Variants in SOX6 observed in about 807,000 individuals in gnomAD.
SOX6 encodes the protein SRY-box transcription factor 6.
In SOX6, 11 loss-of-function variants were observed where a neutral mutation model predicts 97.8. The observed-to-expected ratio is 0.11, with a 90% CI of 0.07 to 0.19. The LOEUF (loss-of-function observed/expected upper bound fraction) is 0.19, where lower values mean the gene tolerates loss of function less well. Ranked by LOEUF, SOX6 falls within the 10% of genes least tolerant of loss-of-function variation. The pLI is 1.00. For missense variants in SOX6, 810 were observed against 1,039.5 expected (o/e 0.78, Z 3.04); for synonymous variants, 360 against 371.4 (o/e 0.97, Z 0.35).
At chr11:16,330,116 A>G (rs2134322166) in intron 2 of SOX6, among the ~76,000 whole-genome samples, 1 of 152,208 alleles carries the variant, frequency 6.6e-6, no homozygotes, top group Admixed American at 6.5e-5. Flanking sequence ...AACTCAATAT[A>G]CTCAGTACTG....
At chr11:16,722,549 G>A (rs1196004361) in intron 2 of SOX6, among the ~76,000 whole-genome samples, 2 of 152,112 alleles carry the variant, frequency 1.3e-5, no homozygotes, top group African/African-American at 4.8e-5. Context: ...CACTTGGGAG[G>A]CTGAGACAGG....
At chr11:16,621,628 GC>G (rs1848546595) in intron 3 of SOX6, among the ~76,000 whole-genome samples, 1 of 152,134 alleles carries the variant, frequency 6.6e-6, no homozygotes, top group South Asian at 2.1e-4. Context: ...CAAGAGACTA[GC>G]ATAGAGTTTA....
intron 2 of SOX6, among the ~76,000 whole-genome samples, chr11:16,325,349 G>T (rs1200283796): frequency 6.6e-6 from 1 of 152,070 alleles, no homozygotes; most frequent in Non-Finnish European, 1.5e-5. Context: ...ACACAAACTG[G>T]AAAGATATAT....
intron 4 of SOX6, among the ~76,000 whole-genome samples, chr11:16,217,572 C>A (rs775780773): frequency 6.6e-6 from 1 of 152,088 alleles, no homozygotes; most frequent in African/African-American, 2.4e-5. Flanking sequence ...CAGAAGATTT[C>A]TTTTACAATC....
chr11:16,617,618 A>G (rs572794988), intron 3 of SOX6, among the ~76,000 whole-genome samples: 49 of 152,024 alleles, frequency 3.2e-4, no homozygotes, highest in African/African-American at 1.1e-3. Flanking sequence ...CATCACTTCA[A>G]TACAAGTTTG....
intron 1 of SOX6, among the ~76,000 whole-genome samples, chr11:16,736,931 C>T (rs948651598): frequency 6.6e-6 from 1 of 152,168 alleles, no homozygotes; most frequent in East Asian, 1.9e-4. Flanking sequence ...TAAAATGTAA[C>T]CCTGACATCT....
At chr11:16,519,234 C>T (rs946193866) in intron 4 of SOX6, among the ~76,000 whole-genome samples, 2 of 151,880 alleles carry the variant, frequency 1.3e-5, no homozygotes, top group African/African-American at 4.8e-5. Flanking sequence ...GGTACATGTG[C>T]AGATTTGTCA....
rs576107767 is a variant in SOX6, at chr11:16,117,356, A to T, written c.778-5433T>A. On this transcript the variant is annotated intron_variant, in intron 6 of 15. Transcript: ENST00000683767. ...GACAGAGCGAGACTCCATCTCAAAA[A>T]ACAAAACAAAACAAAAACAAACAAA... 2.7e-5 allele frequency among the ~76,000 whole-genome samples: 4 copies of T among 149,478 alleles called. No homozygotes were observed. The South Asian group carries it at 8.8e-4, about 33-fold the overall frequency.
chr11:16,355,355 G>T (rs142459996), intron 1 of SOX6, among the ~76,000 whole-genome samples: 1 of 151,866 alleles, frequency 6.6e-6, no homozygotes, highest in African/African-American at 2.4e-5. Flanking sequence ...GAAATGTATC[G>T]CAGAATAAAA....
At chr11:16,421,751 T>C (rs1859026273) in intron 1 of SOX6, among the ~76,000 whole-genome samples, 1 of 152,192 alleles carries the variant, frequency 6.6e-6, no homozygotes, top group Non-Finnish European at 1.5e-5. Flanking sequence ...TTATCTTAGG[T>C]CACATTTCAA....
intron 4 of SOX6, among the ~76,000 whole-genome samples, chr11:16,610,000 C>CA (rs1408903608): frequency 6.6e-6 from 1 of 152,186 alleles, no homozygotes; most frequent in Non-Finnish European, 1.5e-5. Flanking sequence ...TCTTAAAGGC[C>CA]AGGGCTCCCA....
chr11:16,435,146 A>T (rs1466366653), intron 1 of SOX6, among the ~76,000 whole-genome samples: 1 of 152,190 alleles, frequency 6.6e-6, no homozygotes, highest in Non-Finnish European at 1.5e-5. Flanking sequence ...TTGATTAAAA[A>T]TAAAGGCATA....
chr11:16,081,552 AAG>A (rs1385157730), intron 9 of SOX6, among the ~76,000 whole-genome samples: 2 of 152,132 alleles, frequency 1.3e-5, no homozygotes, highest in Non-Finnish European at 2.9e-5. Flanking sequence ...TTAGTTGGTT[AAG>A]AGGGCATAAT....
At chr11:16,542,407 T>C (rs150692917) in intron 4 of SOX6, among the ~76,000 whole-genome samples, 1,832 of 152,286 alleles carry the variant, frequency 0.012, 34 homozygotes, top group African/African-American at 0.042. Context: ...AGCACATGTA[T>C]ACCTATGTAA....
chr11:16,280,754 T>C (rs1323103990), intron 3 of SOX6, among the ~76,000 whole-genome samples: 2 of 152,126 alleles, frequency 1.3e-5, no homozygotes, highest in Non-Finnish European at 2.9e-5. Flanking sequence ...GAATTACTTA[T>C]GTGCTAGACA....
intron 1 of SOX6, among the ~76,000 whole-genome samples, chr11:16,378,959 A>G (rs1394335233): frequency 6.6e-6 from 1 of 152,050 alleles, no homozygotes; most frequent in African/African-American, 2.4e-5. Flanking sequence ...ATATTCATGA[A>G]TTTCATCCTT....
intron 13 of SOX6, among the ~76,000 whole-genome samples, chr11:16,002,991 C>A (rs1474191839): frequency 6.6e-6 from 1 of 152,162 alleles, no homozygotes; most frequent in Non-Finnish European, 1.5e-5. Flanking sequence ...TTCTTACACC[C>A]AGTTTTAAAT....
At chr11:16,678,201 T>C (rs1204857682) in intron 3 of SOX6, among the ~76,000 whole-genome samples, 1 of 152,160 alleles carries the variant, frequency 6.6e-6, no homozygotes, top group Non-Finnish European at 1.5e-5. Flanking sequence ...TTGGGTTTAG[T>C]TTGCTTGTCT....
rs7927489 is a variant in SOX6, at chr11:16,467,482, T to C, written c.-5+8833A>G. On this transcript the variant is annotated intron_variant, in intron 1 of 15. Coordinates refer to the SOX6 transcript ENST00000396356. ...ATAAAAAGAATGAGATCATGTCCTT[T>C]GCAGGACATGGATGGAGCTGGAGGC... is the stretch of plus-strand genomic sequence containing the variant. Among the ~76,000 whole-genome samples the C allele has an allele frequency of 7.7e-3, 1,168 of 152,326 alleles. 14 individuals carry two copies. The highest frequency in any genetic ancestry group is 0.026 in the African/African-American group (1,098 of 41,572).
Sources: gnomAD v4.1 joint callset for allele counts (sites outside exome capture counted in the v4.1 genomes callset) on GRCh38, gnomAD v4.1.1 for gene constraint, MANE v1.5 for transcripts, NCBI Gene and HGNC (gene_info 2026-07-23, HGNC 2026-07-21) for gene names.